GPC3: variants seen among roughly 807,000 people sequenced by gnomAD.
GPC3 encodes the protein glypican 3.
In GPC3, 3 loss-of-function variants were observed where a neutral mutation model predicts 34.4. The observed-to-expected ratio is 0.09, with a 90% confidence interval of 0.04 to 0.23. The LOEUF is 0.23. Ranked by LOEUF, GPC3 falls within the 10% of genes least tolerant of loss-of-function variation. GPC3 has a pLI of 1.00. For missense variants in GPC3, 351 were observed against 445.6 expected (o/e 0.79, Z 1.91); for synonymous variants, 177 against 174.0 (o/e 1.02, Z -0.13).
intron 3 of GPC3, among the ~76,000 whole-genome samples, chrX:133,700,692 C>T (rs2071160042): frequency 9.1e-6 from 1 of 110,441 alleles, no homozygotes; most frequent in African/African-American, 3.3e-5. Flanking sequence ...GCCTGGGCAA[C>T]ACAGCAAGAC....
intron 6 of GPC3, among the ~76,000 whole-genome samples, chrX:133,627,852 C>T (rs938649332): frequency 8.0e-5 from 9 of 112,156 alleles, no homozygotes; most frequent in African/African-American, 2.6e-4. Context: ...TCTGAGTAAA[C>T]GCAGAGCCCT....
chrX:133,573,412 A>G lies in GPC3; in HGVS notation c.1573+23028T>C, dbSNP rs1363862828. ...TGGTACTGAAGGTTCTAGCCAGTGT[A>G]AGCAGGCCAGCAAAACAAATCAAAG... On this transcript the variant is annotated intron_variant, in intron 7 of 7. Coordinates refer to ENST00000370818, the MANE Select transcript of GPC3 (RefSeq NM_004484.4). Among the ~76,000 whole-genome samples, 3 of 111,879 alleles carry G rather than the reference A, an allele frequency of 2.7e-5. No individual in the cohort carries two copies. In the Admixed American group the frequency reaches 2.9e-4, roughly 11 times the overall value.
intron 2 of GPC3, among the ~76,000 whole-genome samples, chrX:133,789,995 G>A (rs888952806): frequency 3.6e-5 from 4 of 111,838 alleles, no homozygotes; most frequent in African/African-American, 1.3e-4. Context: ...GCAATGAAAT[G>A]AGGTCAGTGA....
At chrX:133,760,089 C>A (rs2071772112) in intron 2 of GPC3, among the ~76,000 whole-genome samples, 1 of 111,918 alleles carries the variant, frequency 8.9e-6, no homozygotes. Flanking sequence ...CAATGAGATA[C>A]CATCACAAAG....
chrX:133,670,081 A>C lies in GPC3; in HGVS notation c.1293-8231T>G, dbSNP rs2267504. On this transcript the variant is annotated intron_variant, in intron 5 of 7. Coordinates refer to ENST00000370818, the MANE Select transcript of GPC3 (RefSeq NM_004484.4). ...TTGTCTTGGGACAGTTGAAGCAAAG[A>C]GAGCACTTGTAGAAGAGGAATAGAG... 5.2e-3 allele frequency among the ~76,000 whole-genome samples: 583 copies of C among 112,165 alleles called. 11 individuals carry two copies. The highest frequency in any genetic ancestry group is 0.043 in the East Asian group (151 of 3,541).
chrX:133,787,559 T>C (rs1772360659), intron 2 of GPC3, among the ~76,000 whole-genome samples: 1 of 112,292 alleles, frequency 8.9e-6, no homozygotes. Flanking sequence ...TTGAATAGAA[T>C]GGACTAAACA....
intron 1 of GPC3, among the ~76,000 whole-genome samples, chrX:133,958,050 T>C: frequency 8.9e-6 from 1 of 112,117 alleles, no homozygotes; most frequent in Non-Finnish European, 1.9e-5. Flanking sequence ...TTCCCATTTA[T>C]ATTGAAGGAT....
chrX:133,964,711 T>C (rs368194450), intron 1 of GPC3, among the ~76,000 whole-genome samples: 1 of 111,793 alleles, frequency 8.9e-6, no homozygotes, highest in Non-Finnish European at 1.9e-5. Context: ...CAGAAGTAGA[T>C]CTGTCTTGTT....
intron 2 of GPC3, among the ~76,000 whole-genome samples, chrX:133,759,592 C>T (rs977540570): frequency 1.8e-5 from 2 of 112,222 alleles, no homozygotes; most frequent in Non-Finnish European, 3.8e-5. Context: ...ATAGACTTTT[C>T]ACCTTTCATA....
chrX:133,788,088 T>A (rs866628220), intron 2 of GPC3, among the ~76,000 whole-genome samples: 1 of 64,945 alleles, frequency 1.5e-5, no homozygotes, highest in African/African-American at 7.0e-5. Context: ...TCATATTATT[T>A]TATATATATA....
intron 7 of GPC3, among the ~76,000 whole-genome samples, chrX:133,582,137 C>T (rs1302899117): frequency 3.6e-5 from 4 of 111,929 alleles, no homozygotes; most frequent in African/African-American, 6.5e-5. Context: ...ACCACACATA[C>T]ACACACAATA....
intron 1 of GPC3, among the ~76,000 whole-genome samples, chrX:133,965,748 A>G (rs2076460570): frequency 8.9e-6 from 1 of 111,751 alleles, no homozygotes; most frequent in Admixed American, 9.5e-5. Flanking sequence ...ATAATATCTA[A>G]ATGTTTCATC....
At chrX:133,744,667 T>C (rs1314664218) in intron 3 of GPC3, among the ~76,000 whole-genome samples, 1 of 112,355 alleles carries the variant, frequency 8.9e-6, no homozygotes, top group East Asian at 2.8e-4. Flanking sequence ...ACTGGGTATA[T>C]ACCCAAAGAA....
intron 2 of GPC3, among the ~76,000 whole-genome samples, chrX:133,764,259 G>T (rs2071826176): frequency 9.0e-6 from 1 of 111,026 alleles, no homozygotes; most frequent in Non-Finnish European, 1.9e-5. Context: ...AATAGAAACT[G>T]GGAACTACAG....
chrX:133,654,085 A>T (rs545296616), intron 6 of GPC3, among the ~76,000 whole-genome samples: 1 of 111,558 alleles, frequency 9.0e-6, no homozygotes, highest in South Asian at 3.8e-4. Context: ...TGCGAAAAGT[A>T]CCTTAAATGA....
intron 5 of GPC3, among the ~76,000 whole-genome samples, chrX:133,673,334 GGGGCAAACT>G: frequency 8.9e-6 from 1 of 112,409 alleles, no homozygotes; most frequent in South Asian, 3.7e-4. Flanking sequence ...CTCTTACAGA[GGGGCAAACT>G]GAGGCCCAGA....
chrX:133,697,219 T>C lies in GPC3; in HGVS notation c.1166+2676A>G, dbSNP rs770460087. ...ATTAAGGTTCGTTTTTTTCTCTTCA[T>C]GTAAAGTAATATGAGCTTATTATTT... On this transcript the variant is annotated intron_variant, in intron 4 of 7. Coordinates refer to ENST00000370818, the MANE Select transcript of GPC3 (RefSeq NM_004484.4). Among the ~76,000 whole-genome samples, 10 of 112,457 alleles carry C rather than the reference T, an allele frequency of 8.9e-5. No individual in the cohort carries two copies. The South Asian group carries it at 3.3e-3, about 38-fold the overall frequency.
chrX:133,726,615 T>A (rs2071410038), intron 3 of GPC3, among the ~76,000 whole-genome samples: 1 of 111,265 alleles, frequency 9.0e-6, no homozygotes, highest in Non-Finnish European at 1.9e-5. Flanking sequence ...GCAGTCACTC[T>A]CTTATTACCT....
intron 1 of GPC3, among the ~76,000 whole-genome samples, chrX:133,968,828 T>C (rs1268713488): frequency 9.1e-6 from 1 of 109,446 alleles, no homozygotes; most frequent in East Asian, 2.8e-4. Flanking sequence ...AGAAAAAGGA[T>C]AGAATAGGGG....
Sources: allele counts gnomAD v4.1 joint callset (sites outside exome capture counted in the v4.1 genomes callset), GRCh38; gene constraint gnomAD v4.1.1; transcripts MANE v1.5; gene names NCBI Gene and HGNC (gene_info 2026-07-23, HGNC 2026-07-21).